ZNF124: variants seen among roughly 807,000 people sequenced by gnomAD.
ZNF124 encodes zinc finger protein 124.
Under a neutral mutation model 26.6 loss-of-function variants are expected in ZNF124, and 25 were observed. That is an observed-to-expected ratio of 0.94 (90% CI 0.68 to 1.31). ZNF124 has a LOEUF of 1.31. Among genes scored for constraint, ZNF124 ranks in the 40% most tolerant of loss-of-function variants. The pLI, the probability that ZNF124 is intolerant of heterozygous loss-of-function variation, is 0.00. For synonymous variants in ZNF124, 129 were observed against 133.3 expected (o/e 0.97, Z 0.22); for missense variants, 444 against 422.2 (o/e 1.05, Z -0.45).
At chr1:247,148,329 C>T (rs1672839310) in intron 3 of ZNF124, among the ~76,000 whole-genome samples, 1 of 152,208 alleles carries the variant, frequency 6.6e-6, no homozygotes, top group Non-Finnish European at 1.5e-5. Flanking sequence ...AAGAATCTTT[C>T]TACTTTCCTC....
chr1:247,150,096 T>C (rs1672887985), downstream of ZNF124: 1 of 152,226 alleles, frequency 6.6e-6, no homozygotes. Context: ...ACTATTGTTT[T>C]GGAGTTTAAA....
At chr1:247,128,283 T>C (rs1572055255) in intron 3 of ZNF124, among the ~76,000 whole-genome samples, 1 of 148,880 alleles carries the variant, frequency 6.7e-6, no homozygotes, top group East Asian at 2.0e-4. Flanking sequence ...TCCTTTTGTC[T>C]TCCCTAGGCA....
At chr1:247,165,404 A>G (rs888269529) in intron 1 of ZNF124, among the ~76,000 whole-genome samples, 5 of 152,242 alleles carry the variant, frequency 3.3e-5, no homozygotes, top group Admixed American at 3.3e-4. Flanking sequence ...ATATACAAAT[A>G]TAAACTTTAG....
intron 1 of ZNF124, among the ~76,000 whole-genome samples, chr1:247,170,887 G>A (rs547807275): frequency 2.6e-5 from 3 of 116,158 alleles, no homozygotes; most frequent in Admixed American, 2.5e-4. Flanking sequence ...ACGCGGCGCC[G>A]GGCTGTCTGC....
intron 3 of ZNF124, among the ~76,000 whole-genome samples, chr1:247,126,317 G>C (rs1314203697): frequency 9.4e-6 from 1 of 106,830 alleles, no homozygotes; most frequent in African/African-American, 3.9e-5. Flanking sequence ...CTGTCACTAA[G>C]AGTCTGAGGG....
chr1:247,162,386 A>G (rs956509717), intron 1 of ZNF124, among the ~76,000 whole-genome samples: 6 of 152,176 alleles, frequency 3.9e-5, no homozygotes, highest in Non-Finnish European at 5.9e-5. Flanking sequence ...AATGACGCCC[A>G]CACATTCAAA....
At chr1:247,134,902 G>A (rs1185000958) in intron 3 of ZNF124, among the ~76,000 whole-genome samples, 2 of 151,948 alleles carry the variant, frequency 1.3e-5, no homozygotes, top group Non-Finnish European at 2.9e-5. Context: ...ATAGTCTCTC[G>A]GACCACAGTG....
chr1:247,138,025 A>T lies in ZNF124; in HGVS notation c.219-14154T>A, dbSNP rs1231458806. ...GTTGGTGGGAATGTAAATTAGTTCA[A>T]CCATTGTGGAAGACAGTGTGGCGAT... On this transcript the variant is annotated intron_variant, in intron 3 of 3. Transcript: ENST00000472531. 3 of 152,232 alleles carry T rather than the reference A, an allele frequency of 2.0e-5. No individual in the cohort carries two copies. In the East Asian group the frequency reaches 5.8e-4, roughly 29 times the overall value. The allele number at this position is 152,232 out of a possible 1,614,324, so 9.4% of individuals were successfully genotyped here. A position where few individuals can be genotyped will look rare whatever the true frequency, so the allele number is the denominator to read the frequency against.
exon 4 of ZNF124, chr1:247,122,793 G>A (rs185414599): frequency 2.6e-5 from 4 of 152,350 alleles, no homozygotes; most frequent in Non-Finnish European, 2.9e-5. Context: ...AGTAACAACG[G>A]TCATCCCCAG....
At chr1:247,166,473 CT>C (rs1441463045) in intron 1 of ZNF124, among the ~76,000 whole-genome samples, 1 of 152,202 alleles carries the variant, frequency 6.6e-6, no homozygotes, top group East Asian at 1.9e-4. Flanking sequence ...GTCCAGTCTA[CT>C]GTTGATGGGC....
In ZNF124 at chr1:247,157,149, G is replaced by C. The variant is rs755880188; in HGVS notation, c.473C>G (p.Ala158Gly). 2 of 1,614,068 alleles carry C rather than the reference G, an allele frequency of 1.2e-6. No individual in the cohort carries two copies. Among genetic ancestry groups the C allele is most frequent in the South Asian group, 1.1e-5 (1 of 91,070 alleles). The stretch of plus-strand genomic sequence containing the variant: ...ATTAAGAGAACGGGAAAAACCTAAG[G>C]CTTTCCCACATTCCATACATTCATA... ...KPYECMECGKALGFSRSLNRH... is the reference protein window; with the variant it reads ...KPYECMECGKGLGFSRSLNRH... The change falls in exon 4 of 4, where the codon GCC becomes GGC. Residue 158 changes from alanine (A) to glycine (G), a missense_variant. Ala to Gly is a moderately conservative substitution (Grantham distance 60). Transcript: ENST00000543802.
chr1:247,157,869 T>C (rs929534477), intron 3 of ZNF124, among the ~76,000 whole-genome samples: 8 of 151,730 alleles, frequency 5.3e-5, no homozygotes, highest in African/African-American at 1.9e-4. Flanking sequence ...GCTTGGGTCA[T>C]GGGAGCAGAT....
chr1:247,160,936 T>C (rs1673442442), intron 1 of ZNF124, among the ~76,000 whole-genome samples: 1 of 152,164 alleles, frequency 6.6e-6, no homozygotes, highest in South Asian at 2.1e-4. Flanking sequence ...CAATTTCTAC[T>C]GAAAAATGTC....
At chr1:247,137,763 G>GA in intron 3 of ZNF124, among the ~76,000 whole-genome samples, 1 of 151,994 alleles carries the variant, frequency 6.6e-6, no homozygotes, top group African/African-American at 2.4e-5. Flanking sequence ...ATATTTACAA[G>GA]AAAAAACAAA....
At position 247,123,907 on chromosome 1, in the gene ZNF124, G is replaced by A. The variant is rs919592308; in HGVS notation, c.219-36C>T. ...AGGCATGATACTGATTGCAAAAATG[G>A]CAGCAACTCTTCATCCCTTCCTGTA... On this transcript the variant is annotated intron_variant, in intron 3 of 3. Transcript: ENST00000472531. The A allele has an allele frequency of 3.8e-5, 27 of 701,982 alleles. No homozygotes were observed. The Admixed American group carries it at 4.6e-4, about 12-fold the overall frequency. The allele number at this position is 701,982 out of a possible 1,614,324, so 43.5% of individuals were successfully genotyped here. A position where few individuals can be genotyped will look rare whatever the true frequency, so the allele number is the denominator to read the frequency against.
chr1:247,125,103 T>C (rs1174981022), intron 3 of ZNF124, among the ~76,000 whole-genome samples: 1 of 152,178 alleles, frequency 6.6e-6, no homozygotes, highest in Non-Finnish European at 1.5e-5. Flanking sequence ...GCGCCCGGCC[T>C]TCATTCCTTC....
intron 1 of ZNF124, among the ~76,000 whole-genome samples, chr1:247,165,675 A>G (rs1334442422): frequency 6.6e-6 from 1 of 152,238 alleles, no homozygotes; most frequent in Non-Finnish European, 1.5e-5. Context: ...ACAAGGGTCT[A>G]ATATCCAGAA....
In ZNF124 at chr1:247,159,979, CTTTTTTTTTTTT is replaced by C. The variant is rs1212199135; in HGVS notation, c.31-178_31-167del. On this transcript the variant is annotated intron_variant, in intron 1 of 3. Transcript: ENST00000543802. ...ACTTCCTTTCTCCCACATAGCAGTT[CTTTTTTTTTTTT>C]TTTTTTTTTTTTTGAGACGGAGTCT... The C allele has an allele frequency of 2.8e-3, 407 of 147,770 alleles. 8 individuals carry two copies. The highest frequency in any genetic ancestry group is 7.1e-4 in the Non-Finnish European group (63 of 89,186). The allele number at this position is 147,770 out of a possible 1,614,324, so 9.2% of individuals were successfully genotyped here. A position where few individuals can be genotyped will look rare whatever the true frequency, so the allele number is the denominator to read the frequency against.
At chr1:247,137,919 C>T (rs1672526565) in intron 3 of ZNF124, among the ~76,000 whole-genome samples, 1 of 152,126 alleles carries the variant, frequency 6.6e-6, no homozygotes, top group African/African-American at 2.4e-5. Flanking sequence ...CATCTCATGC[C>T]AGTCAGAATG....
Sources: gnomAD v4.1 joint callset for allele counts (sites outside exome capture counted in the v4.1 genomes callset) on GRCh38, gnomAD v4.1.1 for gene constraint, MANE v1.5 for transcripts, NCBI Gene and HGNC (gene_info 2026-07-23, HGNC 2026-07-21) for gene names.